The following CHAC2 variants were observed in gnomAD, a reference collection of about 807,000 sequenced individuals.
CHAC2 encodes the protein ChaC glutathione specific gamma-glutamylcyclotransferase 2, also known as glutathione-specific gamma-glutamylcyclotransferase 2.
A neutral mutation model predicts 16.9 loss-of-function variants in CHAC2; 20 were observed. That is an observed-to-expected ratio of 1.18 (90% CI 0.83 to 1.72). The LOEUF (loss-of-function observed/expected upper bound fraction) is 1.72, where lower values mean the gene tolerates loss of function less well. CHAC2 is among the 40% of genes most tolerant of loss of function. The pLI is 0.00. For synonymous variants in CHAC2, 91 were observed against 77.3 expected, an observed-to-expected ratio of 1.18 and a Z score of -0.93; for missense variants, 269 against 222.2, an observed-to-expected ratio of 1.21 and a Z score of -1.34.
chr2:53,772,464 G>A (rs371164823), intron 2 of CHAC2, among the ~76,000 whole-genome samples: 16 of 151,960 alleles, frequency 1.1e-4, no homozygotes, highest in African/African-American at 3.4e-4. Context: ...ATGAGCCACC[G>A]CGCCCAGCCG....
chr2:53,768,219 CTGCTTAAGA>C (rs1476195882), intron 1 of CHAC2, 198 bp downstream of exon 1: 1 of 601,362 alleles, frequency 1.7e-6, no homozygotes, highest in Admixed American at 3.2e-5. Context: ...CCTTCCGAAG[CTGCTTAAGA>C]TGCCGGTGGT....
At chr2:53,770,021 C>A (rs17045215) in intron 1 of CHAC2, among the ~76,000 whole-genome samples, 9,652 of 152,242 alleles carry the variant, frequency 0.063, 409 homozygotes, top group East Asian at 0.16. Flanking sequence ...ATCTTCTCCA[C>A]AGCACACAGT....
At chr2:53,773,905 C>G (rs574328090) in intron 2 of CHAC2, among the ~76,000 whole-genome samples, 26 of 152,120 alleles carry the variant, frequency 1.7e-4, no homozygotes, top group Admixed American at 1.3e-3. Flanking sequence ...CATGGTGGTG[C>G]ATTCCTGTAA....
intron 1 of CHAC2, 119 bp downstream of exon 1, chr2:53,768,140 G>A: frequency 8.6e-7 from 1 of 1,163,950 alleles, no homozygotes; most frequent in Non-Finnish European, 1.2e-6. Flanking sequence ...CAAAGCACAT[G>A]GCTTGGGGTA....
At chr2:53,768,281 G>C in intron 1 of CHAC2, 1 of 431,054 alleles carries the variant, frequency 2.3e-6, no homozygotes, top group Non-Finnish European at 4.2e-6. Context: ...AGGCGCACGA[G>C]CTCGCACCAG....
At chr2:53,770,023 G>A (rs1329700658) in intron 1 of CHAC2, among the ~76,000 whole-genome samples, 1 of 152,086 alleles carries the variant, frequency 6.6e-6, no homozygotes, top group African/African-American at 2.4e-5. Context: ...CTTCTCCACA[G>A]CACACAGTAG....
intron 1 of CHAC2, among the ~76,000 whole-genome samples, chr2:53,770,821 G>A (rs1673850919): frequency 6.6e-6 from 1 of 152,086 alleles, no homozygotes; most frequent in South Asian, 2.1e-4. Context: ...ACACGAATAG[G>A]CCAGTTCTAA....
intron 1 of CHAC2, chr2:53,768,272 G>C (rs1468689596): frequency 8.9e-6 from 4 of 447,830 alleles, no homozygotes; most frequent in Non-Finnish European, 1.6e-5. Context: ...CGCGGGCACA[G>C]GCGCACGAGC....
chr2:53,773,521 C>T (rs1484325042), intron 2 of CHAC2, among the ~76,000 whole-genome samples: 1 of 152,058 alleles, frequency 6.6e-6, no homozygotes, highest in Non-Finnish European at 1.5e-5. Flanking sequence ...ACCTCTGCCA[C>T]CCGGGTTCAA....
At chr2:53,768,045 C>A in intron 1 of CHAC2, 24 bp downstream of exon 1, 1 of 1,610,712 alleles carries the variant, frequency 6.2e-7, no homozygotes. Context: ...CAGCTCCCCA[C>A]ACTTACTGCC....
intron 1 of CHAC2, among the ~76,000 whole-genome samples, chr2:53,771,513 C>A (rs1454577401): frequency 2.0e-5 from 3 of 151,858 alleles, no homozygotes; most frequent in Non-Finnish European, 4.4e-5. Flanking sequence ...AACTCCGTCT[C>A]AAAAAATAAA....
chr2:53,774,001 C>T (rs1337267458), intron 2 of CHAC2, 141 bp from the exon 3 acceptor site: 5 of 946,618 alleles, frequency 5.3e-6, no homozygotes, highest in African/African-American at 1.7e-5. Flanking sequence ...TGCCACTGCA[C>T]CACAGCCTGG....
chr2:53,769,544 C>A (rs1673744190), intron 1 of CHAC2, among the ~76,000 whole-genome samples: 1 of 152,182 alleles, frequency 6.6e-6, no homozygotes, highest in African/African-American at 2.4e-5. Flanking sequence ...GTCCGTGATT[C>A]TTTAAAAGGA....
At chr2:53,771,964 T>C (rs780041202) in intron 2 of CHAC2, 22 bp downstream of exon 2, 3 of 1,295,590 alleles carry the variant, frequency 2.3e-6, no homozygotes, top group Non-Finnish European at 3.2e-6. Context: ...ATATTCTTTT[T>C]TGTATAATTT....
At position 53,767,995 on chromosome 2, in the gene CHAC2, A is replaced by C; in HGVS notation, c.109A>C (p.Thr37Pro). 6.2e-7 allele frequency: 1 copy of C among 1,611,442 alleles called. No homozygotes were observed. Among genetic ancestry groups the C allele is most frequent in the Non-Finnish European group, 8.5e-7 (1 of 1,177,680 alleles). Residue 37 changes from threonine (T) to proline (P), a missense_variant, in exon 1 of 3, where the codon ACG becomes CCG. Physicochemically the swap from Thr to Pro is conservative, Grantham distance 38. Transcript: ENST00000295304. ...CAGCAGGCGCTTCTGGCAGGGCAGC[A>C]CGGACCACCGCGGGGTCCCCGGCAA... is the stretch of plus-strand genomic sequence containing the variant. ...NYSRRFWQGS[T>P]DHRGVPGKPG...
intron 1 of CHAC2, among the ~76,000 whole-genome samples, chr2:53,771,682 G>A (rs1056814134): frequency 8.6e-5 from 13 of 151,756 alleles, no homozygotes; most frequent in South Asian, 4.1e-4. Context: ...TACCTAATAC[G>A]TATAAATTGA....
intron 1 of CHAC2, 86 bp downstream of exon 1, chr2:53,768,107 C>A (rs1673621630): frequency 6.8e-7 from 1 of 1,480,702 alleles, no homozygotes; most frequent in Non-Finnish European, 9.2e-7. Context: ...CCTAGAGAAC[C>A]ACACCTTAGC....
intron 1 of CHAC2, among the ~76,000 whole-genome samples, chr2:53,770,495 A>AT (rs1673823836): frequency 1.1e-5 from 1 of 95,072 alleles, no homozygotes; most frequent in Non-Finnish European, 2.0e-5. Flanking sequence ...GACGAAGTTT[A>AT]TTTAAAAAAA....
chr2:53,774,027 T>C, intron 2 of CHAC2, 115 bp from the exon 3 acceptor site: 1 of 1,179,670 alleles, frequency 8.5e-7, no homozygotes, highest in Non-Finnish European at 1.2e-6. Flanking sequence ...AGACAAGACT[T>C]CATCTCAAAA....
Sources: allele counts gnomAD v4.1 joint callset (sites outside exome capture counted in the v4.1 genomes callset), GRCh38; gene constraint gnomAD v4.1.1; transcripts MANE v1.5; gene names NCBI Gene and HGNC (gene_info 2026-07-23, HGNC 2026-07-21).